The following PLPP5 variants were observed in gnomAD, a reference collection of about 807,000 sequenced individuals.
The protein encoded by PLPP5 is diacylglycerol pyrophosphate like 1.
PLPP5 carries 29 observed loss-of-function variants against 23.6 expected under a neutral mutation model. That is an observed-to-expected ratio of 1.23 (90% CI 0.92 to 1.68). PLPP5 has a LOEUF of 1.68. PLPP5 is among the 40% of genes most tolerant of loss of function. PLPP5 has a pLI of 0.00. For missense variants in PLPP5, 315 were observed against 332.1 expected (o/e 0.95, Z 0.40); for synonymous variants, 143 against 131.3 (o/e 1.09, Z -0.61).
intron 3 of PLPP5, 75 bp from the exon 4 acceptor site, chr8:38,268,035 G>A (rs1807948771): frequency 5.0e-6 from 8 of 1,606,998 alleles, no homozygotes; most frequent in Non-Finnish European, 6.8e-6. Flanking sequence ...TATGAGAGCA[G>A]CCGTGCTGTT....
intron 6 of PLPP5, chr8:38,264,915 C>G (rs374142599): frequency 1.1e-5 from 18 of 1,612,574 alleles, no homozygotes; most frequent in African/African-American, 4.0e-5. Context: ...CCACTTATTG[C>G]TATTCATCTG....
chr8:38,267,916 T>C lies in PLPP5; in HGVS notation c.319A>G (p.Ile107Val), dbSNP rs1391447888. 17 of 1,614,006 alleles carry C rather than the reference T, an allele frequency of 1.1e-5. No homozygotes were observed. The highest frequency in any genetic ancestry group is 1.7e-5 in the Admixed American group (1 of 60,024). Residue 107 changes from isoleucine (I) to valine (V), a missense_variant, in exon 4 of 7, where the codon ATA becomes GTA. Transcript: ENST00000424479. ...LALNGVFTNT[I>V]KLIVGRPRPD... ...ACTTACCTCCCTACGATCAGTTTTA[T>C]TGTGTTGGTAAAGACGCCATTCAGA...
chr8:38,264,278 G>C lies in PLPP5; in HGVS notation c.*166C>G. 1.4e-6 allele frequency: 1 copy of C among 721,844 alleles called. No homozygotes were observed. Among genetic ancestry groups the C allele is most frequent in the Non-Finnish European group, 2.0e-6 (1 of 509,902 alleles). The allele number at this position is 721,844 out of a possible 1,614,324, so 44.7% of individuals were successfully genotyped here. A position where few individuals can be genotyped will look rare whatever the true frequency, so the allele number is the denominator to read the frequency against. On this transcript the variant is annotated 3_prime_UTR_variant, in exon 7 of 7. Transcript: ENST00000424479. ...TTCTCCTACCTCAGCCTCCCAGGTA[G>C]CTGGGATTACGGCACACAACTCCTG...
At position 38,264,447 on chromosome 8, in the gene PLPP5, A is replaced by G; in HGVS notation, c.792T>C (p.Ile264=). ...QKPGDSYCFD[I] ...CACGCCCGGCCAGATTCAATTTTTA[A>G]ATATCAAAACAATAAGAATCCCCAG... The change falls in exon 7 of 7, where the codon ATT becomes ATC. Residue 264 remains isoleucine (I), a synonymous_variant. Transcript: ENST00000424479. 1.3e-6 allele frequency: 2 copies of G among 1,546,440 alleles called. No homozygotes were observed. The highest frequency in any genetic ancestry group is 1.7e-6 in the Non-Finnish European group (2 of 1,145,754).
chr8:38,269,075 C>T (rs1162845332), intron 1 of PLPP5, 51 bp downstream of exon 1: 17 of 1,525,706 alleles, frequency 1.1e-5, no homozygotes, highest in South Asian at 2.4e-5. Context: ...CCGTGCCGCC[C>T]GCCTGCCTGG....
At position 38,268,365 on chromosome 8, in the gene PLPP5, G is replaced by A; in HGVS notation, c.274+6C>T. ...AAGAAACCGGCCCGAAAGGGCTAGC[G>A]CTCACCCAGGCAGGCTTGTCTGCTG... On this transcript the variant is annotated splice_donor_region_variant and intron_variant, in intron 3 of 6. Coordinates refer to ENST00000424479, the MANE Select transcript of PLPP5 (RefSeq NM_001102559.2). The A allele has an allele frequency of 6.4e-7, 1 of 1,561,924 alleles. No homozygotes were observed. Among genetic ancestry groups the A allele is most frequent in the Non-Finnish European group, 8.7e-7 (1 of 1,152,584 alleles).
intron 4 of PLPP5, chr8:38,267,615 C>CAA (rs939225129): frequency 1.6e-6 from 1 of 630,936 alleles, no homozygotes; most frequent in African/African-American, 1.8e-5. Flanking sequence ...CTTTTTAGGG[C>CAA]AAACAGCAAA....
At chr8:38,267,750 G>C (rs1807878233) in intron 4 of PLPP5, 147 bp downstream of exon 4, 1 of 830,092 alleles carries the variant, frequency 1.2e-6, no homozygotes, top group South Asian at 1.7e-5. Flanking sequence ...ATGGGGAAGG[G>C]AGTAAGCGTT....
In PLPP5 at chr8:38,267,270, A is replaced by G; in HGVS notation, c.460T>C (p.Ser154Pro). 1 of 1,613,980 alleles carries G rather than the reference A, an allele frequency of 6.2e-7. No individual in the cohort carries two copies. ...GRKSFPSGHSSFAFAGLAFAS... is the reference protein window; with the variant it reads ...GRKSFPSGHSPFAFAGLAFAS... ...AGAGTCCATATGATATTCATACAGG[A>G]AGAATGTCCACTGGGGAAGCTCTTT... Residue 154 changes from serine to proline, a missense_variant, in exon 5 of 7, where the codon TCC becomes CCC. By Grantham distance (74) the Ser-to-Pro change is moderately conservative. Coordinates refer to ENST00000424479, the MANE Select transcript of PLPP5 (RefSeq NM_001102559.2).
Position 38,269,219 on chromosome 8 carries a change from G to T in PLPP5, c.-20C>A. On this transcript the variant is annotated 5_prime_UTR_variant, in exon 1 of 7. Coordinates refer to ENST00000424479, the MANE Select transcript of PLPP5 (RefSeq NM_001102559.2). ...CCCCATCCGGCCGCGAGCTCCGAGC[G>T]ACGCTGCGCTGACGTGGCCACCTCC... 2 of 1,486,662 alleles carry T rather than the reference G, an allele frequency of 1.3e-6. No homozygotes were observed. Among genetic ancestry groups the T allele is most frequent in the East Asian group, 5.6e-5 (2 of 35,664 alleles). The allele number at this position is 1,486,662 out of a possible 1,614,324, so 92.1% of individuals were successfully genotyped here. A position where few individuals can be genotyped will look rare whatever the true frequency, so the allele number is the denominator to read the frequency against.
At position 38,267,337 on chromosome 8, in the gene PLPP5, G is replaced by A. The variant is rs1170782522; in HGVS notation, c.393C>T (p.Asp131=). The A allele has an allele frequency of 6.2e-7, 1 of 1,614,012 alleles. No individual in the cohort carries two copies. Residue 131 remains aspartate (D), a synonymous_variant, in exon 5 of 7, where the codon GAC becomes GAT. Coordinates refer to ENST00000424479, the MANE Select transcript of PLPP5 (RefSeq NM_001102559.2). ...CGTCCTTATCCCCTGTACACATCAA[G>A]TCAGAATGGGCTAGCCCATCAGGGA... ...RCFPDGLAHS[D]LMCTGDKDVV... is the part of the protein sequence containing the mutation.
rs1023687780 is a variant in PLPP5 at position 38,264,210 on chromosome 8, C to T, written c.*234G>A. 3.2e-5 allele frequency: 30 copies of T among 924,772 alleles called. No individual in the cohort carries two copies. The South Asian group carries it at 4.1e-4, about 13-fold the overall frequency. The allele number at this position is 924,772 out of a possible 1,614,324, so 57.3% of individuals were successfully genotyped here. ...TTGCCTAGGCTGGAGTGCAGTGGTG[C>T]GATCTCGGCTCACTGGAACCTCCAG... On this transcript the variant is annotated 3_prime_UTR_variant, in exon 7 of 7. Coordinates refer to ENST00000424479, the MANE Select transcript of PLPP5 (RefSeq NM_001102559.2).
intron 6 of PLPP5, 64 bp from the exon 7 acceptor site, chr8:38,264,668 T>C: frequency 1.3e-6 from 2 of 1,482,188 alleles, no homozygotes; most frequent in Middle Eastern, 1.9e-4. Flanking sequence ...TACATACACA[T>C]AGCATAGAGG....
At position 38,264,117 on chromosome 8, in the gene PLPP5, G is replaced by C; in HGVS notation, c.*327C>G. 2.0e-6 allele frequency: 2 copies of C among 1,006,912 alleles called. No individual in the cohort carries two copies. Among genetic ancestry groups the C allele is most frequent in the Non-Finnish European group, 2.4e-6 (2 of 844,088 alleles). 62.4% of individuals were successfully genotyped at this position (1,006,912 alleles called of 1,614,324 possible). A position where few individuals can be genotyped will look rare whatever the true frequency, so the allele number is the denominator to read the frequency against. ...TCTTGTGCATGGTCCGGTTAGGAGG[G>C]CTAGTTCACCTGTTCTCTATTGAGA... On this transcript the variant is annotated 3_prime_UTR_variant, in exon 7 of 7. Coordinates refer to ENST00000424479, the MANE Select transcript of PLPP5 (RefSeq NM_001102559.2).
In PLPP5 at chr8:38,264,254, TCTC is replaced by T; in HGVS notation, c.*187_*189del. On this transcript the variant is annotated 3_prime_UTR_variant, in exon 7 of 7. Coordinates refer to ENST00000424479, the MANE Select transcript of PLPP5 (RefSeq NM_001102559.2). ...CCTCCAGCTCCCAGGTTCAAGCAAT[TCTC>T]CTACCTCAGCCTCCCAGGTAGCTGG... is the stretch of plus-strand genomic sequence containing the variant. 2 of 742,096 alleles carry T rather than the reference TCTC, an allele frequency of 2.7e-6. No individual in the cohort carries two copies. The highest frequency in any genetic ancestry group is 3.7e-6 in the Non-Finnish European group (2 of 538,416). The allele number at this position is 742,096 out of a possible 1,614,324, so 46.0% of individuals were successfully genotyped here. A position where few individuals can be genotyped will look rare whatever the true frequency, so the allele number is the denominator to read the frequency against.
At position 38,264,470 on chromosome 8, in the gene PLPP5, C is replaced by G. The variant is rs1370753416; in HGVS notation, c.769G>C (p.Gly257Arg). 6.4e-7 allele frequency: 1 copy of G among 1,550,614 alleles called. No individual in the cohort carries two copies. The highest frequency in any genetic ancestry group is 2.4e-5 in the East Asian group (1 of 40,928). The change falls in exon 7 of 7, where the codon GGG becomes CGG. Residue 257 changes from glycine (G) to arginine (R), a missense_variant. Coordinates refer to ENST00000424479, the MANE Select transcript of PLPP5 (RefSeq NM_001102559.2). ...TAAATATCAAAACAATAAGAATCCC[C>G]AGGCTTCTGTGCAGTGGAAAGTACA... ...KLVLSTAQKP[G>R]DSYCFDI
At position 38,264,350 on chromosome 8, in the gene PLPP5, A is replaced by G; in HGVS notation, c.*94T>C. The G allele has an allele frequency of 2.0e-6, 2 of 1,007,798 alleles. No homozygotes were observed. Among genetic ancestry groups the G allele is most frequent in the Non-Finnish European group, 2.7e-6 (2 of 729,034 alleles). 62.4% of individuals were successfully genotyped at this position (1,007,798 alleles called of 1,614,324 possible). A position where few individuals can be genotyped will look rare whatever the true frequency, so the allele number is the denominator to read the frequency against. On this transcript the variant is annotated 3_prime_UTR_variant, in exon 7 of 7. Transcript: ENST00000424479. ...AGAGACAGGGTTCACCATGTTGGCCAGGCTGGTCCTGACCTCAGGTGATCC... is the reference window on the plus strand; with the variant it reads ...AGAGACAGGGTTCACCATGTTGGCCGGGCTGGTCCTGACCTCAGGTGATCC...
At chr8:38,268,636 G>T in intron 2 of PLPP5, 175 bp from the exon 3 acceptor site, 2 of 1,438,180 alleles carry the variant, frequency 1.4e-6, no homozygotes, top group South Asian at 3.0e-5. Flanking sequence ...GTGCGGCTCG[G>T]GCCCCGGTAC....
At chr8:38,265,436 G>C (rs1039471182) in intron 6 of PLPP5, 2 of 152,286 alleles carry the variant, frequency 1.3e-5, no homozygotes, top group African/African-American at 4.8e-5. Context: ...TGGGATTAAA[G>C]GCGTGTGCCA....
Sources: gnomAD v4.1 joint callset for allele counts on GRCh38, gnomAD v4.1.1 for gene constraint, MANE v1.5 for transcripts, NCBI Gene and HGNC (gene_info 2026-07-23, HGNC 2026-07-21) for gene names.